The following PPARGC1B variants were observed in gnomAD, a reference collection of about 807,000 sequenced individuals.
PPARGC1B encodes PPARG coactivator 1 beta.
In PPARGC1B, 34 loss-of-function variants were observed where a neutral mutation model predicts 101.6. The observed-to-expected ratio is 0.33, with a 90% confidence interval of 0.25 to 0.45. The LOEUF is 0.45. Ranked by LOEUF, PPARGC1B falls within the 20% of genes least tolerant of loss-of-function variation. The pLI is 1.00. For synonymous variants in PPARGC1B, 548 were observed against 539.3 expected (o/e 1.02, Z -0.22); for missense variants, 1,234 against 1,317.6 (o/e 0.94, Z 0.98).
intron 1 of PPARGC1B, among the ~76,000 whole-genome samples, chr5:149,734,226 G>T (rs1166088982): frequency 6.8e-6 from 1 of 146,054 alleles, no homozygotes; most frequent in Non-Finnish European, 1.5e-5. Context: ...GGAGGCTGAG[G>T]CAGGAGAATC....
At chr5:149,855,685 G>A, downstream of PPARGC1B, among the ~76,000 whole-genome samples, 1 of 152,178 alleles carries the variant, frequency 6.6e-6, no homozygotes, top group East Asian at 1.9e-4. Flanking sequence ...TTGCGTGCCT[G>A]TGTGTTATTT....
Position 149,836,230 on chromosome 5 carries a change from C to T in PPARGC1B, c.1808-33C>T, listed in dbSNP as rs756982873. 3.4e-5 allele frequency: 51 copies of T among 1,507,268 alleles called. 1 individual carries two copies. In the South Asian group the frequency reaches 5.1e-4, roughly 15 times the overall value. 93.4% of individuals were successfully genotyped at this position (1,507,268 alleles called of 1,614,324 possible). ...AGTGTCCCTTGGAGAAGTGATCTGT[C>T]TTTATCTTACCTTTCTCCTCTTCCT... On this transcript the variant is annotated intron_variant, in intron 7 of 11. Coordinates refer to ENST00000309241, the MANE Select transcript of PPARGC1B (RefSeq NM_133263.4).
chr5:149,839,611 C>T (rs573294871), intron 8 of PPARGC1B, among the ~76,000 whole-genome samples: 1 of 152,288 alleles, frequency 6.6e-6, no homozygotes, highest in East Asian at 1.9e-4. Flanking sequence ...TGCTTTCTGG[C>T]TTTAAGCAAA....
chr5:149,776,521 C>G (rs1215194815), intron 1 of PPARGC1B, among the ~76,000 whole-genome samples: 1 of 152,182 alleles, frequency 6.6e-6, no homozygotes, highest in Non-Finnish European at 1.5e-5. Flanking sequence ...GTGGAACACC[C>G]ACATGCTCCC....
rs557058722 is a variant in PPARGC1B at position 149,774,437 on chromosome 5, G to A, written c.78+44017G>A. On this transcript the variant is annotated intron_variant, in intron 1 of 11. Coordinates refer to ENST00000309241, the MANE Select transcript of PPARGC1B (RefSeq NM_133263.4). ...GCATATAGCATTTAGCAGTGAGCCG[G>A]GCATATAGCAGCGGATCAGTAGAGG... 2.0e-5 allele frequency among the ~76,000 whole-genome samples: 3 copies of A among 152,198 alleles called. No individual in the cohort carries two copies. In the South Asian group the frequency reaches 6.2e-4, roughly 32 times the overall value.
intron 1 of PPARGC1B, among the ~76,000 whole-genome samples, chr5:149,738,545 A>G (rs968907168): frequency 6.6e-6 from 1 of 151,992 alleles, no homozygotes; most frequent in Non-Finnish European, 1.5e-5. Flanking sequence ...TGCCATTTTA[A>G]TGTATTCATA....
Position 149,833,473 on chromosome 5 carries a change from G to A in PPARGC1B, c.1400G>A (p.Arg467Lys). ...GRGLPWTKLG[R>K]KLESSVCPVR... ...GGCCTGCCATGGACGAAGCTGGGGA[G>A]GAAGCTGGAGAGCTCTGTGTGCCCC... The change falls in exon 5 of 12, where the codon AGG becomes AAG. Residue 467 changes from arginine to lysine, a missense_variant. By Grantham distance (26) the Arg-to-Lys change is conservative (BLOSUM62 2). Transcript: ENST00000309241. The surrounding 1 kb of genome is among the most constrained non-coding windows in gnomAD (Gnocchi z 4.1). 6.4e-7 allele frequency: 1 copy of A among 1,567,874 alleles called. No homozygotes were observed. Among genetic ancestry groups the A allele is most frequent in the Non-Finnish European group, 8.6e-7 (1 of 1,156,100 alleles).
chr5:149,831,846 A>C (rs1243120659), intron 4 of PPARGC1B, among the ~76,000 whole-genome samples: 1 of 152,170 alleles, frequency 6.6e-6, no homozygotes, highest in Non-Finnish European at 1.5e-5. Context: ...CCAGCCATGG[A>C]GCCTCCCCTT....
intron 1 of PPARGC1B, among the ~76,000 whole-genome samples, chr5:149,778,145 A>AACACACACAC (rs60606878): frequency 9.9e-6 from 1 of 100,596 alleles, no homozygotes; most frequent in Non-Finnish European, 2.1e-5. Flanking sequence ...ATGGAGCAGC[A>AACACACACAC]ACACACACAC....
At position 149,836,655 on chromosome 5, in the gene PPARGC1B, G is replaced by A. The variant is rs771954512; in HGVS notation, c.2200G>A (p.Ala734Thr). 49 of 1,613,852 alleles carry A rather than the reference G, an allele frequency of 3.0e-5. No individual in the cohort carries two copies. The highest frequency in any genetic ancestry group is 3.9e-5 in the Non-Finnish European group (46 of 1,180,036). ...GGGTGCCCCTTGGGCTGAGGCACAG[G>A]CCCCTGGCAGGGAGGAAGACAGAAG... ...QQGAPWAEAQ[A>T]PGREEDRSCD... Residue 734 changes from alanine (A) to threonine (T), a missense_variant, in exon 8 of 12, where the codon GCC becomes ACC. By Grantham distance (58) the Ala-to-Thr change is moderately conservative (BLOSUM62 0). Transcript: ENST00000309241.
chr5:149,835,523 A>G (rs920304170), intron 7 of PPARGC1B, among the ~76,000 whole-genome samples, 158 bp downstream of exon 7: 3 of 152,222 alleles, frequency 2.0e-5, no homozygotes, highest in African/African-American at 7.2e-5. Flanking sequence ...AGCAAACAGA[A>G]AAGGAAGATC....
At chr5:149,773,753 T>TGAG (rs1223130611) in intron 1 of PPARGC1B, among the ~76,000 whole-genome samples, 34 of 151,824 alleles carry the variant, frequency 2.2e-4, no homozygotes, top group Non-Finnish European at 4.1e-4. Flanking sequence ...AATGGATGTG[T>TGAG]GAGGTGAAGC....
intron 1 of PPARGC1B, among the ~76,000 whole-genome samples, chr5:149,789,171 G>A (rs1341574962): frequency 1.3e-5 from 2 of 152,194 alleles, no homozygotes; most frequent in African/African-American, 4.8e-5. Context: ...TCTGCCATGG[G>A]CAGATATTAG....
At chr5:149,819,150 G>C (rs905279936) in intron 1 of PPARGC1B, among the ~76,000 whole-genome samples, 1 of 152,188 alleles carries the variant, frequency 6.6e-6, no homozygotes, top group Non-Finnish European at 1.5e-5. Flanking sequence ...AGGTTTCCAG[G>C]TGATTCTGGT....
At chr5:149,806,360 C>A (rs75321435) in intron 1 of PPARGC1B, among the ~76,000 whole-genome samples, 11,372 of 152,240 alleles carry the variant, frequency 0.075, 614 homozygotes, top group Middle Eastern at 0.22. Context: ...CCTTAAATGC[C>A]ATGAAGGGGC....
chr5:149,783,469 G>C (rs1756668603), intron 1 of PPARGC1B, among the ~76,000 whole-genome samples: 1 of 152,196 alleles, frequency 6.6e-6, no homozygotes, highest in Non-Finnish European at 1.5e-5. Flanking sequence ...GGGATGTTTT[G>C]AGTACCAGAT....
intron 1 of PPARGC1B, among the ~76,000 whole-genome samples, chr5:149,790,881 G>T (rs1265501476): frequency 2.6e-5 from 4 of 152,096 alleles, no homozygotes; most frequent in Non-Finnish European, 4.4e-5. Flanking sequence ...CTGGGTCCCT[G>T]CCAGAGATGG....
At chr5:149,815,411 A>C (rs1386546973) in intron 1 of PPARGC1B, among the ~76,000 whole-genome samples, 2 of 152,194 alleles carry the variant, frequency 1.3e-5, no homozygotes, top group African/African-American at 4.8e-5. Flanking sequence ...GTCATGTACA[A>C]GCCAAGGAGA....
At chr5:149,829,205 A>G (rs10491361) in intron 3 of PPARGC1B, among the ~76,000 whole-genome samples, 19,421 of 152,128 alleles carry the variant, frequency 0.13, 1,586 homozygotes, top group African/African-American at 0.23. Flanking sequence ...AACTTCTGTC[A>G]TATTCTTAGA....
Sources: allele counts gnomAD v4.1 joint callset (sites outside exome capture counted in the v4.1 genomes callset), GRCh38; gene constraint gnomAD v4.1.1; non-coding constraint Gnocchi (gnomAD v3.1); transcripts MANE v1.5; gene names NCBI Gene and HGNC (gene_info 2026-07-23, HGNC 2026-07-21).